Variants in SCN11A observed in about 807,000 individuals in gnomAD.
The protein encoded by SCN11A is sodium channel protein type 11 subunit alpha.
Under a neutral mutation model 162.2 loss-of-function variants are expected in SCN11A, and 122 were observed. That is an observed-to-expected ratio of 0.75 (90% CI 0.65 to 0.87). The LOEUF (loss-of-function observed/expected upper bound fraction) is 0.87. SCN11A is among the 40% of genes least tolerant of loss of function. The pLI is 0.00. For synonymous variants in SCN11A, 758 were observed against 751.5 expected (o/e 1.01, Z -0.14); for missense variants, 2,015 against 2,181.6 (o/e 0.92, Z 1.52).
intron 7 of SCN11A, among the ~76,000 whole-genome samples, chr3:38,933,012 C>T (rs1559541253): frequency 6.6e-6 from 1 of 152,210 alleles, no homozygotes; most frequent in Non-Finnish European, 1.5e-5. Context: ...GCCGGGTACT[C>T]CTCTGAGACA....
intron 2 of SCN11A, among the ~76,000 whole-genome samples, chr3:39,011,838 C>T (rs914198158): frequency 6.6e-6 from 1 of 152,158 alleles, no homozygotes; most frequent in African/African-American, 2.4e-5. Flanking sequence ...AAGAGGAGTG[C>T]ACTTGATAGT....
intron 9 of SCN11A, 115 bp downstream of exon 9, chr3:38,925,300 T>C: frequency 4.3e-6 from 3 of 698,716 alleles, no homozygotes; most frequent in African/African-American, 3.6e-5. Context: ...TCAAATAAAT[T>C]TGTAAAGCAG....
At chr3:39,027,672 C>T (rs1401434182) in intron 2 of SCN11A, among the ~76,000 whole-genome samples, 1 of 152,206 alleles carries the variant, frequency 6.6e-6, no homozygotes. Context: ...GTTTACCCCA[C>T]ATTCACAGCT....
chr3:38,884,268 TC>T (rs11323676), intron 21 of SCN11A, among the ~76,000 whole-genome samples: 4,089 of 152,252 alleles, frequency 0.027, 166 homozygotes, highest in African/African-American at 0.091. Context: ...AAACCACCTT[TC>T]TTTCTCATCT....
rs1294935081 is a variant in SCN11A at position 39,022,888 on chromosome 3, AT to A, written c.-280+9491del. ...AGCAAGACCCTGTCTCAAAAAAAAA[AT>A]AAATAAATAAAATAAAATAAACACA... On this transcript the variant is annotated intron_variant, in intron 2 of 29. Coordinates refer to ENST00000302328, the MANE Select transcript of SCN11A (RefSeq NM_001349253.2). Among the ~76,000 whole-genome samples, 18 of 152,058 alleles carry A rather than the reference AT, an allele frequency of 1.2e-4. No homozygotes were observed. The East Asian group carries it at 3.3e-3, about 28-fold the overall frequency.
At chr3:38,882,916 A>G (rs1175557956) in intron 22 of SCN11A, among the ~76,000 whole-genome samples, 2 of 152,204 alleles carry the variant, frequency 1.3e-5, no homozygotes, top group Non-Finnish European at 2.9e-5. Context: ...AGGAAGAACT[A>G]TGTAGGATAC....
chr3:38,852,202 C>T (rs1461728190), intron 28 of SCN11A, among the ~76,000 whole-genome samples: 1 of 152,100 alleles, frequency 6.6e-6, no homozygotes, highest in African/African-American at 2.4e-5. Flanking sequence ...AGGGACAACA[C>T]TGGAGGACAC....
In SCN11A at chr3:38,985,365, C is replaced by T. The variant is rs185657268; in HGVS notation, c.-279-24942G>A. Among the ~76,000 whole-genome samples the T allele has an allele frequency of 4.5e-3, 677 of 150,312 alleles. 60 individuals are homozygous for T. Among genetic ancestry groups the T allele is most frequent in the African/African-American group, 0.016 (622 of 39,942 alleles). The stretch of plus-strand genomic sequence containing the variant: ...CAGGATGGTCTCGATCTCCTGACCT[C>T]GTGATCCACCCATCTCGGCCTCCCA... On this transcript the variant is annotated intron_variant, in intron 2 of 29. Transcript: ENST00000302328.
chr3:38,948,131 T>C (rs891631530), intron 5 of SCN11A, among the ~76,000 whole-genome samples: 1 of 152,178 alleles, frequency 6.6e-6, no homozygotes, highest in Non-Finnish European at 1.5e-5. Context: ...AATAATGAAA[T>C]GAGCCACGGG....
chr3:38,908,908 G>A, intron 13 of SCN11A, 89 bp downstream of exon 13: 1 of 1,105,774 alleles, frequency 9.0e-7, no homozygotes, highest in South Asian at 1.3e-5. Context: ...CAGGCCAAGG[G>A]TGGCAGCCTT....
intron 14 of SCN11A, among the ~76,000 whole-genome samples, chr3:38,907,290 G>GTA (rs767439458): frequency 1.4e-5 from 2 of 139,856 alleles, no homozygotes; most frequent in Admixed American, 7.4e-5. Flanking sequence ...TCCAAAGTTG[G>GTA]TATATATATA....
intron 21 of SCN11A, 21 bp from the exon 22 acceptor site, chr3:38,883,408 C>T: frequency 6.2e-7 from 1 of 1,605,218 alleles, no homozygotes; most frequent in Non-Finnish European, 8.5e-7. Flanking sequence ...TTAATGGTAG[C>T]ACTATCATTA....
Position 38,908,014 on chromosome 3 carries a change from A to G in SCN11A, c.1408T>C (p.Phe470Leu), listed in dbSNP as rs375995856. Residue 470 changes from phenylalanine (F) to leucine (L), a missense_variant, in exon 14 of 30, where the codon TTT becomes CTT. By Grantham distance (22) the Phe-to-Leu change is conservative. Coordinates refer to ENST00000302328, the MANE Select transcript of SCN11A (RefSeq NM_001349253.2). ...LFGNKKRKSF[F>L]LRESGKDQPP... ...TGGTCTTTCCCAGACTCTCTCAAAA[A>G]GAAGGACTTCCTTTTCTTATTACCA... The G allele has an allele frequency of 8.1e-6, 13 of 1,613,552 alleles. No individual in the cohort carries two copies. The highest frequency in any genetic ancestry group is 1.1e-5 in the Non-Finnish European group (13 of 1,179,854).
chr3:38,909,532 GTTC>G (rs775979388), intron 12 of SCN11A, among the ~76,000 whole-genome samples: 1 of 151,518 alleles, frequency 6.6e-6, no homozygotes, highest in Non-Finnish European at 1.5e-5. Context: ...AAGAGGAGGG[GTTC>G]TTTGGAGTCT....
Position 38,846,901 on chromosome 3 carries a change from G to A in SCN11A, c.5169C>T (p.Pro1723=), listed in dbSNP as rs116714494. Reference sequence around the variant, plus strand: ...CCTTTCTCTTGGTGGTGGTGACTATGGGTTCATACAACTTCTTGAGAGGAT... The same window carrying A: ...CCTTTCTCTTGGTGGTGGTGACTATAGGTTCATACAACTTCTTGAGAGGAT... ...EANPLKKLYE[P]IVTTTKRKEE... Residue 1723 remains proline, a synonymous_variant, in exon 30 of 30, where the codon CCC becomes CCT. Transcript: ENST00000302328. 1.8e-3 allele frequency: 2,848 copies of A among 1,613,958 alleles called. 43 individuals are homozygous for A. The African/African-American group carries it at 0.033, about 19-fold the overall frequency.
intron 8 of SCN11A, among the ~76,000 whole-genome samples, chr3:38,926,172 T>C (rs1486363049): frequency 6.6e-6 from 1 of 152,238 alleles, no homozygotes; most frequent in Non-Finnish European, 1.5e-5. Flanking sequence ...TCATTCAGAT[T>C]CCAAATCAGT....
intron 2 of SCN11A, among the ~76,000 whole-genome samples, chr3:38,975,675 G>A (rs2066845611): frequency 6.6e-6 from 1 of 152,134 alleles, no homozygotes; most frequent in Non-Finnish European, 1.5e-5. Flanking sequence ...GTAAGAAAAG[G>A]AAAAGAAGTC....
At chr3:38,858,186 G>A (rs899415822) in intron 28 of SCN11A, among the ~76,000 whole-genome samples, 3 of 152,046 alleles carry the variant, frequency 2.0e-5, no homozygotes, top group Admixed American at 6.6e-5. Context: ...CAATACTAAC[G>A]TAGAATGTAA....
chr3:38,949,269 A>G (rs1040209454), intron 5 of SCN11A, among the ~76,000 whole-genome samples: 11 of 152,232 alleles, frequency 7.2e-5, no homozygotes, highest in Admixed American at 1.3e-4. Context: ...TGAAAGGGCC[A>G]AGTGTGCTCA....
Sources: gnomAD v4.1 joint callset for allele counts (sites outside exome capture counted in the v4.1 genomes callset) on GRCh38, gnomAD v4.1.1 for gene constraint, MANE v1.5 for transcripts, NCBI Gene and HGNC (gene_info 2026-07-23, HGNC 2026-07-21) for gene names.